Variants in LRP1B observed in about 807,000 individuals in gnomAD.
LRP1B encodes the protein LDL receptor related protein 1B.
LRP1B carries 217 observed loss-of-function variants against 556.6 expected under a neutral mutation model. The ratio of observed to expected loss-of-function variants is 0.39; its 90% CI spans 0.35 to 0.44. The LOEUF (loss-of-function observed/expected upper bound fraction) is 0.44, where lower values mean the gene tolerates loss of function less well. LRP1B is among the 20% of genes least tolerant of loss of function. LRP1B has a pLI of 1.00. For missense variants in LRP1B, 5,053 were observed against 5,620.8 expected (o/e 0.90, Z 3.23); for synonymous variants, 2,047 against 1,865.8 (o/e 1.10, Z -2.50).
chr2:141,135,871 T>C (rs1200051453), intron 7 of LRP1B, among the ~76,000 whole-genome samples: 1 of 151,880 alleles, frequency 6.6e-6, no homozygotes, highest in African/African-American at 2.4e-5. Flanking sequence ...GAATGCAAAC[T>C]AATTACCCCA....
At chr2:142,103,535 T>A (rs1240505748) in intron 1 of LRP1B, among the ~76,000 whole-genome samples, 1 of 151,994 alleles carries the variant, frequency 6.6e-6, no homozygotes, top group Admixed American at 6.6e-5. Context: ...GAGTTTAAAG[T>A]GTTTATTAGT....
At chr2:141,307,204 G>T (rs1036745329) in intron 3 of LRP1B, among the ~76,000 whole-genome samples, 1 of 151,996 alleles carries the variant, frequency 6.6e-6, no homozygotes, top group Admixed American at 6.6e-5. Context: ...TGAGAGTAGG[G>T]TGTTGAAATC....
In LRP1B at chr2:141,824,734, T is replaced by A. The variant is rs535363663; in HGVS notation, c.83-14333A>T. ...CATTTTCTAAACAGGCCTCAATGCT[T>A]TGTACTTTTCAAATCTTTCCCACCT... On this transcript the variant is annotated intron_variant, in intron 1 of 90. Transcript: ENST00000389484. 3.3e-5 allele frequency among the ~76,000 whole-genome samples: 5 copies of A among 152,258 alleles called. No individual in the cohort carries two copies. The South Asian group carries it at 1.0e-3, about 32-fold the overall frequency.
At chr2:141,463,586 A>G (rs190736583) in intron 3 of LRP1B, among the ~76,000 whole-genome samples, 705 of 30,132 alleles carry the variant, frequency 0.023, 19 homozygotes, top group Non-Finnish European at 0.036. Flanking sequence ...ATATAATTAT[A>G]TATAATATAT....
intron 2 of LRP1B, among the ~76,000 whole-genome samples, chr2:141,517,163 T>C (rs74746841): frequency 0.06 from 8,871 of 148,824 alleles, 305 homozygotes; most frequent in Non-Finnish European, 0.07. Flanking sequence ...ACTATTTTCA[T>C]TGTAATTTTT....
intron 32 of LRP1B, among the ~76,000 whole-genome samples, chr2:140,799,768 G>T (rs771494787): frequency 1.3e-5 from 2 of 152,092 alleles, no homozygotes; most frequent in South Asian, 2.1e-4. Flanking sequence ...AGTTTGCTGC[G>T]GACGAAGAGG....
At chr2:141,750,501 C>G (rs146775746) in intron 2 of LRP1B, among the ~76,000 whole-genome samples, 1 of 152,238 alleles carries the variant, frequency 6.6e-6, no homozygotes, top group African/African-American at 2.4e-5. Flanking sequence ...CCTTGGACTC[C>G]ACCGCTAGTC....
Position 141,417,109 on chromosome 2 carries a change from T to G in LRP1B, c.343+63287A>C, listed in dbSNP as rs542410462. 2.0e-5 allele frequency among the ~76,000 whole-genome samples: 3 copies of G among 152,342 alleles called. No individual in the cohort carries two copies. In the East Asian group the frequency reaches 5.8e-4, roughly 29 times the overall value. On this transcript the variant is annotated intron_variant, in intron 3 of 90. Transcript: ENST00000389484. ...TGTTTCCTATCTTTACTTTGAAGTC[T>G]TATTAAACGTAAGGAGAAATTCACA...
At chr2:142,006,374 G>A (rs181358652) in intron 1 of LRP1B, among the ~76,000 whole-genome samples, 8 of 152,252 alleles carry the variant, frequency 5.3e-5, no homozygotes, top group East Asian at 1.9e-4. Flanking sequence ...TCATACTTCT[G>A]GCAAGCTTGC....
chr2:141,591,456 T>A (rs962238061), intron 2 of LRP1B, among the ~76,000 whole-genome samples: 4 of 151,198 alleles, frequency 2.6e-5, no homozygotes, highest in African/African-American at 9.7e-5. Flanking sequence ...AAAGCTAATA[T>A]GTGTTTGTGT....
chr2:141,790,254 G>A (rs868472375), intron 2 of LRP1B, among the ~76,000 whole-genome samples: 8 of 151,334 alleles, frequency 5.3e-5, no homozygotes, highest in South Asian at 2.1e-4. Context: ...TAAAATAAAT[G>A]TATTCTTTTA....
At chr2:141,314,334 T>C (rs75376724) in intron 3 of LRP1B, among the ~76,000 whole-genome samples, 3,860 of 152,278 alleles carry the variant, frequency 0.025, 80 homozygotes, top group Non-Finnish European at 0.038. Context: ...AATTACATAA[T>C]TTCATAGTCA....
chr2:140,693,924 T>A (rs1282677068), intron 41 of LRP1B, among the ~76,000 whole-genome samples: 1 of 152,006 alleles, frequency 6.6e-6, no homozygotes, highest in Non-Finnish European at 1.5e-5. Flanking sequence ...GCCAGGCTAG[T>A]CTCGAACTCC....
intron 78 of LRP1B, among the ~76,000 whole-genome samples, chr2:140,334,786 T>C (rs537156448): frequency 1.3e-5 from 2 of 152,186 alleles, no homozygotes; most frequent in Admixed American, 6.6e-5. Flanking sequence ...AGAATCATTG[T>C]ATACTATGAT....
intron 3 of LRP1B, among the ~76,000 whole-genome samples, chr2:141,302,695 A>G (rs1686442367): frequency 6.6e-6 from 1 of 152,104 alleles, no homozygotes; most frequent in African/African-American, 2.4e-5. Context: ...ATGTTGATCT[A>G]TGCAATTTGT....
intron 43 of LRP1B, among the ~76,000 whole-genome samples, chr2:140,550,742 G>A (rs974928383): frequency 1.3e-5 from 2 of 152,056 alleles, no homozygotes; most frequent in Non-Finnish European, 2.9e-5. Flanking sequence ...TTTCTCGTTT[G>A]GATTTCTTTA....
intron 23 of LRP1B, among the ~76,000 whole-genome samples, chr2:140,893,830 A>T (rs920847966): frequency 6.6e-6 from 1 of 152,192 alleles, no homozygotes; most frequent in African/African-American, 2.4e-5. Flanking sequence ...GACATATGTG[A>T]AAGTGCTTTA....
intron 66 of LRP1B, among the ~76,000 whole-genome samples, chr2:140,409,275 C>T (rs1684872626): frequency 1.3e-5 from 2 of 151,682 alleles, no homozygotes; most frequent in East Asian, 1.9e-4. Context: ...CCTATAAAGT[C>T]GGTGATGTGA....
At chr2:140,466,859 TC>T (rs1687569653) in intron 60 of LRP1B, among the ~76,000 whole-genome samples, 1 of 152,188 alleles carries the variant, frequency 6.6e-6, no homozygotes, top group South Asian at 2.1e-4. Flanking sequence ...CCTTTTCTTT[TC>T]CAAAATACTA....
Sources: allele counts gnomAD v4.1 joint callset (sites outside exome capture counted in the v4.1 genomes callset), GRCh38; gene constraint gnomAD v4.1.1; transcripts MANE v1.5; gene names NCBI Gene and HGNC (gene_info 2026-07-23, HGNC 2026-07-21).